The following XYLT1 variants were observed in gnomAD, a reference collection of about 807,000 sequenced individuals.
XYLT1 encodes xylosyltransferase 1, also known as beta-D-xylosyltransferase 1.
XYLT1 carries 36 observed loss-of-function variants against 91.3 expected under a neutral mutation model. The ratio of observed to expected loss-of-function variants is 0.39; its 90% CI spans 0.30 to 0.52. The LOEUF is 0.52. Ranked by LOEUF, XYLT1 falls within the 20% of genes least tolerant of loss-of-function variation. The pLI, the probability that XYLT1 is intolerant of heterozygous loss-of-function variation, is 0.68. For missense variants in XYLT1, 1,242 were observed against 1,284.5 expected, an observed-to-expected ratio of 0.97 and a Z score of 0.51; for synonymous variants, 588 against 532.0, an observed-to-expected ratio of 1.11 and a Z score of -1.45.
intron 1 of XYLT1, among the ~76,000 whole-genome samples, chr16:17,382,458 A>G (rs1431001815): frequency 1.3e-5 from 2 of 151,916 alleles, no homozygotes; most frequent in African/African-American, 4.8e-5. Flanking sequence ...TTCTAATTCT[A>G]TTTAAGATTA....
chr16:17,274,016 A>G (rs1244443201), intron 2 of XYLT1, among the ~76,000 whole-genome samples: 2 of 151,366 alleles, frequency 1.3e-5, no homozygotes, highest in Non-Finnish European at 2.9e-5. Flanking sequence ...GGTTCAAGTG[A>G]TTCTCCTGCC....
At chr16:17,189,844 C>T (rs8048208) in intron 5 of XYLT1, among the ~76,000 whole-genome samples, 2,953 of 152,198 alleles carry the variant, frequency 0.019, 105 homozygotes, top group African/African-American at 0.068. Flanking sequence ...GTCAGGAGTT[C>T]GAGACCAGAC....
chr16:17,219,000 G>A (rs934483662), intron 3 of XYLT1, among the ~76,000 whole-genome samples: 3 of 152,092 alleles, frequency 2.0e-5, no homozygotes, highest in Non-Finnish European at 2.9e-5. Flanking sequence ...AATAATTATC[G>A]GCAGGGCATG....
At chr16:17,356,370 T>C (rs1374050521) in intron 2 of XYLT1, among the ~76,000 whole-genome samples, 1 of 152,088 alleles carries the variant, frequency 6.6e-6, no homozygotes, top group Non-Finnish European at 1.5e-5. Context: ...GGAAACCGAA[T>C]CCTTTTCCTC....
intron 2 of XYLT1, among the ~76,000 whole-genome samples, chr16:17,349,442 C>G (rs1049373553): frequency 2.0e-5 from 3 of 151,986 alleles, no homozygotes; most frequent in Non-Finnish European, 4.4e-5. Flanking sequence ...TCACCTGGCT[C>G]TAGTTTAGAT....
In XYLT1 at chr16:17,134,676, G is replaced by T. The variant is rs2030639811; in HGVS notation, c.1824C>A (p.Ile608=). The stretch of plus-strand genomic sequence containing the variant: ...ACAGGTAATAGTCCAGCTGCCCAAT[G>T]ATTTCCTGATTCACCACGGCTTCAA... The part of the protein sequence containing the change: ...RKFEAVVNQE[I]IGQLDYYLYG... The change falls in exon 9 of 12, where the codon ATC becomes ATA. Residue 608 remains isoleucine (I), a synonymous_variant. Coordinates refer to ENST00000261381, the MANE Select transcript of XYLT1 (RefSeq NM_022166.4). The T allele has an allele frequency of 6.2e-7, 1 of 1,614,094 alleles. No individual in the cohort carries two copies. The highest frequency in any genetic ancestry group is 1.3e-5 in the African/African-American group (1 of 74,940).
chr16:17,449,319 A>G (rs1208423237), intron 1 of XYLT1, among the ~76,000 whole-genome samples: 1 of 152,262 alleles, frequency 6.6e-6, no homozygotes, highest in African/African-American at 2.4e-5. Flanking sequence ...GGATCTCAGC[A>G]ATTCCACGGG....
chr16:17,389,171 G>A (rs2035785093), intron 1 of XYLT1, among the ~76,000 whole-genome samples: 1 of 152,222 alleles, frequency 6.6e-6, no homozygotes, highest in South Asian at 2.1e-4. Context: ...ATTCAGCATT[G>A]TTGATCCCCA....
chr16:17,292,488 C>T (rs2034245087), intron 2 of XYLT1, among the ~76,000 whole-genome samples: 1 of 152,286 alleles, frequency 6.6e-6, no homozygotes, highest in South Asian at 2.1e-4. Flanking sequence ...TCTGTGTATC[C>T]AAAATGACCT....
chr16:17,274,328 C>T (rs1053215885), intron 2 of XYLT1, among the ~76,000 whole-genome samples: 2 of 152,106 alleles, frequency 1.3e-5, no homozygotes, highest in African/African-American at 4.8e-5. Context: ...GGCTGGATTT[C>T]ATTTCTGGTT....
At chr16:17,334,870 G>A (rs903475996) in intron 2 of XYLT1, among the ~76,000 whole-genome samples, 1 of 151,554 alleles carries the variant, frequency 6.6e-6, no homozygotes, top group African/African-American at 2.4e-5. Flanking sequence ...GCGACAGAGC[G>A]AGACTCCATC....
At chr16:17,175,607 G>T (rs1273875196) in intron 5 of XYLT1, among the ~76,000 whole-genome samples, 1 of 152,326 alleles carries the variant, frequency 6.6e-6, no homozygotes, top group South Asian at 2.1e-4. Context: ...GTGGACACCT[G>T]CAGAACTTAC....
chr16:17,432,455 A>G lies in XYLT1; in HGVS notation c.363+37979T>C, dbSNP rs58345438. ...AGCCAGTGCAAAAACCACATACTGC[A>G]TGCTTCCATTTATATAAAATATCCA... On this transcript the variant is annotated intron_variant, in intron 1 of 11. Coordinates refer to ENST00000261381, the MANE Select transcript of XYLT1 (RefSeq NM_022166.4). Among the ~76,000 whole-genome samples, 1,485 of 152,332 alleles carry G rather than the reference A, an allele frequency of 9.7e-3. 12 individuals carry two copies. The highest frequency in any genetic ancestry group is 0.031 in the Middle Eastern group (9 of 294).
intron 2 of XYLT1, among the ~76,000 whole-genome samples, chr16:17,349,674 A>T (rs563429517): frequency 6.6e-6 from 1 of 150,926 alleles, no homozygotes; most frequent in South Asian, 2.1e-4. Context: ...CGGGGATGAC[A>T]GTAATACTTC....
intron 2 of XYLT1, among the ~76,000 whole-genome samples, chr16:17,343,206 G>C (rs769149778): frequency 1.3e-5 from 2 of 152,180 alleles, no homozygotes; most frequent in Non-Finnish European, 2.9e-5. Context: ...TGAAGCCACA[G>C]ACTATTTTCG....
At chr16:17,135,327 A>G (rs2030673255) in intron 8 of XYLT1, among the ~76,000 whole-genome samples, 1 of 152,098 alleles carries the variant, frequency 6.6e-6, no homozygotes, top group Admixed American at 6.6e-5. Context: ...ATTTCAGCCA[A>G]CTTGCAGACT....
chr16:17,109,836 C>G (rs190324335), intron 11 of XYLT1, among the ~76,000 whole-genome samples: 1 of 152,340 alleles, frequency 6.6e-6, no homozygotes, highest in African/African-American at 2.4e-5. Flanking sequence ...CAGATCTCAG[C>G]TGCCGAGCGT....
At chr16:17,209,713 G>A (rs1198904642) in intron 3 of XYLT1, among the ~76,000 whole-genome samples, 2 of 152,168 alleles carry the variant, frequency 1.3e-5, no homozygotes, top group Non-Finnish European at 2.9e-5. Context: ...ACCTCTAAGT[G>A]ATGCTGTAAG....
chr16:17,126,698 C>G lies in XYLT1; in HGVS notation c.2223+968G>C, dbSNP rs530902983. ...AGCAGTCAGAACCATTGTGACAAAT[C>G]ACGTCCTTAGCACTTAGGGATGTGA... On this transcript the variant is annotated intron_variant, in intron 10 of 11. Transcript: ENST00000261381. 2.0e-5 allele frequency among the ~76,000 whole-genome samples: 3 copies of G among 152,314 alleles called. No homozygotes were observed. In the South Asian group the frequency reaches 6.2e-4, roughly 32 times the overall value.
Sources: gnomAD v4.1 joint callset for allele counts (sites outside exome capture counted in the v4.1 genomes callset) on GRCh38, gnomAD v4.1.1 for gene constraint, MANE v1.5 for transcripts, NCBI Gene and HGNC (gene_info 2026-07-23, HGNC 2026-07-21) for gene names.